Variants in ZFP3 observed in about 807,000 individuals in gnomAD.
ZFP3 encodes the protein ZFP3 zinc finger protein.
In ZFP3, 18 loss-of-function variants were observed where a neutral mutation model predicts 36.7. The observed-to-expected ratio is 0.49, with a 90% CI of 0.34 to 0.73. The LOEUF (loss-of-function observed/expected upper bound fraction) is 0.73, where lower values mean the gene tolerates loss of function less well. Ranked by LOEUF, ZFP3 falls within the 30% of genes least tolerant of loss-of-function variation. The pLI, the probability that ZFP3 is intolerant of heterozygous loss-of-function variation, is 0.01. For missense variants in ZFP3, 495 were observed against 599.0 expected (o/e 0.83, Z 1.81); for synonymous variants, 218 against 199.0 (o/e 1.10, Z -0.81).
chr17:5,091,534 C>G lies in ZFP3; in HGVS notation c.30C>G (p.Pro10=), dbSNP rs1434443949. Residue 10 remains proline, a synonymous_variant, in exon 2 of 2, where the codon CCC becomes CCG. Transcript: ENST00000318833. The part of the protein sequence containing the change: MGTENKEVI[P]KEEISEESEP... Reference sequence around the variant, plus strand: ...GGACTGAGAACAAGGAGGTGATTCCCAAGGAAGAAATTTCTGAAGAATCTG... The same window carrying G: ...GGACTGAGAACAAGGAGGTGATTCCGAAGGAAGAAATTTCTGAAGAATCTG... The G allele has an allele frequency of 1.7e-5, 28 of 1,614,084 alleles. No individual in the cohort carries two copies. The highest frequency in any genetic ancestry group is 2.4e-5 in the Non-Finnish European group (28 of 1,180,016).
At chr17:5,083,626 T>C (rs1409377127) in intron 1 of ZFP3, among the ~76,000 whole-genome samples, 1 of 151,880 alleles carries the variant, frequency 6.6e-6, no homozygotes, top group Non-Finnish European at 1.5e-5. Flanking sequence ...TTGTTTAAAA[T>C]ATAGATCTCT....
chr17:5,082,198 T>G (rs2072097403), intron 1 of ZFP3, among the ~76,000 whole-genome samples: 1 of 151,564 alleles, frequency 6.6e-6, no homozygotes, highest in Non-Finnish European at 1.5e-5. Flanking sequence ...ATATAAAAAA[T>G]TAGCCGGGCC....
At position 5,095,922 on chromosome 17, in the gene ZFP3, C is replaced by T. The variant is rs1567751391; in HGVS notation, c.*2909C>T. 6.0e-6 allele frequency: 1 copy of T among 166,462 alleles called. No homozygotes were observed. Among genetic ancestry groups the T allele is most frequent in the Non-Finnish European group, 1.5e-5 (1 of 68,080 alleles). The allele number at this position is 166,462 out of a possible 1,614,324, so 10.3% of individuals were successfully genotyped here. ...AGGGGGAGGTCTCACGTCTCATTCC[C>T]AGAAAAGTCTACCATATATAGATAC... On this transcript the variant is annotated 3_prime_UTR_variant, in exon 2 of 2. Coordinates refer to ENST00000318833, the MANE Select transcript of ZFP3 (RefSeq NM_153018.3).
chr17:5,091,354 C>A, intron 1 of ZFP3, 143 bp from the exon 2 acceptor site: 2 of 871,248 alleles, frequency 2.3e-6, no homozygotes, highest in South Asian at 1.8e-5. Context: ...CTCAAGCAAT[C>A]CTCCTGCCTC....
chr17:5,092,220 C>T lies in ZFP3; in HGVS notation c.716C>T (p.Ala239Val), dbSNP rs1279905221. 1.5e-5 allele frequency: 25 copies of T among 1,613,924 alleles called. No individual in the cohort carries two copies. Among genetic ancestry groups the T allele is most frequent in the Non-Finnish European group, 2.0e-5 (24 of 1,179,970 alleles). ...ECGKAFSQNS[A>V]LILHQRIHTG... The stretch of plus-strand genomic sequence containing the variant: ...GGTAAAGCCTTCAGTCAAAATTCAG[C>T]CCTTATTCTACACCAGAGAATCCAT... The change falls in exon 2 of 2, where the codon GCC (alanine) becomes GTC (valine). Residue 239 changes from alanine to valine, a missense_variant. By Grantham distance (64) the Ala-to-Val change is moderately conservative (BLOSUM62 0). Coordinates refer to ENST00000318833, the MANE Select transcript of ZFP3 (RefSeq NM_153018.3). The surrounding 1 kb of genome is among the most constrained non-coding windows in gnomAD (Gnocchi z 5.0).
Position 5,092,233 on chromosome 17 carries a change from C to T in ZFP3, c.729C>T (p.His243=), listed in dbSNP as rs2072154000. The T allele has an allele frequency of 1.2e-6, 2 of 1,613,940 alleles. No homozygotes were observed. Among genetic ancestry groups the T allele is most frequent in the Non-Finnish European group, 1.7e-6 (2 of 1,180,022 alleles). ...GTCAAAATTCAGCCCTTATTCTACACCAGAGAATCCATACTGGAGAGAAAC... is the reference window on the plus strand; with the variant it reads ...GTCAAAATTCAGCCCTTATTCTACATCAGAGAATCCATACTGGAGAGAAAC... ...AFSQNSALIL[H]QRIHTGEKPY... is the part of the protein sequence containing the mutation. Residue 243 remains histidine, a synonymous_variant, in exon 2 of 2, where the codon CAC becomes CAT. Transcript: ENST00000318833. This position sits in a 1 kb window ranked among gnomAD's most constrained non-coding sequence, Gnocchi z 5.0.
Position 5,093,073 on chromosome 17 carries a change from TAATATGCA to T in ZFP3, c.*69_*76del, listed in dbSNP as rs1474210481. The T allele has an allele frequency of 2.0e-6, 3 of 1,495,258 alleles. No individual in the cohort carries two copies. In the African/African-American group the frequency reaches 4.2e-5, roughly 21 times the overall value. 92.6% of individuals were successfully genotyped at this position (1,495,258 alleles called of 1,614,324 possible). ...AAAGTCCAACTTATTCATTTGTTCA[TAATATGCA>T]AATATGCACCCCAAGTATTCAAATC... On this transcript the variant is annotated 3_prime_UTR_variant, in exon 2 of 2. Coordinates refer to ENST00000318833, the MANE Select transcript of ZFP3 (RefSeq NM_153018.3).
intron 1 of ZFP3, 115 bp from the exon 2 acceptor site, chr17:5,091,382 G>T: frequency 8.4e-7 from 1 of 1,194,434 alleles, no homozygotes; most frequent in Non-Finnish European, 1.2e-6. Context: ...CTCCTCCCCT[G>T]ACCAAGACTG....
At chr17:5,086,041 T>C (rs1343270517) in intron 1 of ZFP3, among the ~76,000 whole-genome samples, 1 of 152,230 alleles carries the variant, frequency 6.6e-6, no homozygotes, top group Non-Finnish European at 1.5e-5. Context: ...ATTGTATAGA[T>C]ACACATTACC....
chr17:5,093,891 G>T lies in ZFP3; in HGVS notation c.*878G>T. On this transcript the variant is annotated 3_prime_UTR_variant, in exon 2 of 2. Coordinates refer to ENST00000318833, the MANE Select transcript of ZFP3 (RefSeq NM_153018.3). ...ATTGAGGTCACACTGCTCGGCATGG[G>T]CAGAAGCAGCTCTTCAGGAGCTGTC... 1 of 167,300 alleles carries T rather than the reference G, an allele frequency of 6.0e-6. No homozygotes were observed. The allele number at this position is 167,300 out of a possible 1,614,324, so 10.4% of individuals were successfully genotyped here.
At chr17:5,081,324 ACTC>A (rs2072092356) in intron 1 of ZFP3, among the ~76,000 whole-genome samples, 1 of 149,358 alleles carries the variant, frequency 6.7e-6, no homozygotes, top group African/African-American at 2.5e-5. Context: ...TTCTTTTCTT[ACTC>A]CTCCTGTACT....
At chr17:5,082,312 A>T (rs1055600380) in intron 1 of ZFP3, among the ~76,000 whole-genome samples, 15 of 151,956 alleles carry the variant, frequency 9.9e-5, no homozygotes, top group African/African-American at 3.6e-4. Context: ...ACGCCACTGC[A>T]CTCCAGCCTG....
In ZFP3 at chr17:5,091,844, G is replaced by A; in HGVS notation, c.340G>A (p.Ala114Thr). The part of the protein sequence containing the change: ...HQGDTTEGVS[A>T]FATSGQNFLE... ...GGGAGATACAACAGAGGGAGTTAGT[G>A]CATTTGCTACCTCTGGCCAAAACTT... The change falls in exon 2 of 2, where the codon GCA becomes ACA. Residue 114 changes from alanine (A) to threonine (T), a missense_variant. By Grantham distance (58) the Ala-to-Thr change is moderately conservative. This residue lies in a region of ZFP3 where 229 missense variants were observed against 233.8 expected (regional missense o/e 0.98). Transcript: ENST00000318833. 1.2e-6 allele frequency: 2 copies of A among 1,614,162 alleles called. No homozygotes were observed. Among genetic ancestry groups the A allele is most frequent in the Non-Finnish European group, 1.7e-6 (2 of 1,180,036 alleles).
At position 5,091,908 on chromosome 17, in the gene ZFP3, C is replaced by T. The variant is rs767299148; in HGVS notation, c.404C>T (p.Ser135Phe). 1.9e-6 allele frequency: 3 copies of T among 1,614,178 alleles called. No homozygotes were observed. The highest frequency in any genetic ancestry group is 1.7e-5 in the Admixed American group (1 of 60,012). The change falls in exon 2 of 2, where the codon TCT becomes TTT. Residue 135 changes from serine to phenylalanine, a missense_variant. Coordinates refer to ENST00000318833, the MANE Select transcript of ZFP3 (RefSeq NM_153018.3). ...ILESNKTQRSSVGEKPHTCKE... is the reference protein window; with the variant it reads ...ILESNKTQRSFVGEKPHTCKE... ...GAATCTAACAAAACACAGAGAAGTT[C>T]TGTGGGAGAAAAGCCTCATACATGT...
At position 5,093,929 on chromosome 17, in the gene ZFP3, G is replaced by A. The variant is rs1597908611; in HGVS notation, c.*916G>A. 6.0e-6 allele frequency: 1 copy of A among 167,182 alleles called. No individual in the cohort carries two copies. The highest frequency in any genetic ancestry group is 1.9e-4 in the East Asian group (1 of 5,210). The allele number at this position is 167,182 out of a possible 1,614,324, so 10.4% of individuals were successfully genotyped here. Reference sequence around the variant, plus strand: ...TTCAGGAGCTGTCCACACTTCAGGGGTGCTCAGACTGACTGCTCCTAAGAA... The same window carrying A: ...TTCAGGAGCTGTCCACACTTCAGGGATGCTCAGACTGACTGCTCCTAAGAA... On this transcript the variant is annotated 3_prime_UTR_variant, in exon 2 of 2. Transcript: ENST00000318833.
In ZFP3 at chr17:5,094,566, T is replaced by A. The variant is rs1347696394; in HGVS notation, c.*1553T>A. Reference sequence around the variant, plus strand: ...CCTGCTGGTCTCCAATTTTCTCCTCTGTAAAATGAAAGAGTTGAACTAAGT... The same window carrying A: ...CCTGCTGGTCTCCAATTTTCTCCTCAGTAAAATGAAAGAGTTGAACTAAGT... On this transcript the variant is annotated 3_prime_UTR_variant, in exon 2 of 2. Transcript: ENST00000318833. The A allele has an allele frequency of 1.2e-5, 2 of 167,080 alleles. No homozygotes were observed. Among genetic ancestry groups the A allele is most frequent in the African/African-American group, 4.8e-5 (2 of 41,454 alleles). The allele number at this position is 167,080 out of a possible 1,614,324, so 10.3% of individuals were successfully genotyped here. A position where few individuals can be genotyped will look rare whatever the true frequency, so the allele number is the denominator to read the frequency against.
intron 1 of ZFP3, among the ~76,000 whole-genome samples, chr17:5,080,370 T>G (rs2072087159): frequency 6.6e-6 from 1 of 152,200 alleles, no homozygotes; most frequent in African/African-American, 2.4e-5. Flanking sequence ...TTGACTGGGT[T>G]AACTCAGTTG....
intron 1 of ZFP3, among the ~76,000 whole-genome samples, chr17:5,086,530 A>G (rs893185694): frequency 3.3e-5 from 5 of 150,606 alleles, no homozygotes; most frequent in Admixed American, 1.3e-4. Flanking sequence ...TATCTCTTCC[A>G]TCAGAGGAAA....
At chr17:5,088,942 C>T (rs924293944) in intron 1 of ZFP3, among the ~76,000 whole-genome samples, 2 of 152,162 alleles carry the variant, frequency 1.3e-5, no homozygotes, top group South Asian at 2.1e-4. Context: ...CTTTCACTGA[C>T]GGGAGGATTG....
Sources: allele counts gnomAD v4.1 joint callset (sites outside exome capture counted in the v4.1 genomes callset), GRCh38; gene constraint gnomAD v4.1.1; regional missense constraint gnomAD v4.1.1; non-coding constraint Gnocchi (gnomAD v3.1); transcripts MANE v1.5; gene names NCBI Gene and HGNC (gene_info 2026-07-23, HGNC 2026-07-21).